NSMCE2: variants seen among roughly 807,000 people sequenced by gnomAD.
NSMCE2 encodes the protein NSE2 SUMO ligase component of SMC5/6 complex.
Under a neutral mutation model 23.8 loss-of-function variants are expected in NSMCE2, and 24 were observed. The ratio of observed to expected loss-of-function variants is 1.01; its 90% CI spans 0.73 to 1.42. NSMCE2 has a LOEUF of 1.42. NSMCE2 is among the 40% of genes most tolerant of loss of function. NSMCE2 has a pLI of 0.00. For missense variants in NSMCE2, 284 were observed against 296.5 expected (o/e 0.96, Z 0.31); for synonymous variants, 92 against 94.1 (o/e 0.98, Z 0.13).
chr8:125,159,348 C>A (rs562533736), intron 4 of NSMCE2, among the ~76,000 whole-genome samples: 1 of 152,222 alleles, frequency 6.6e-6, no homozygotes, highest in African/African-American at 2.4e-5. Flanking sequence ...GATGGTGGTG[C>A]CATAAGATTA....
At chr8:125,275,866 G>A (rs185056115) in intron 5 of NSMCE2, among the ~76,000 whole-genome samples, 56 of 152,146 alleles carry the variant, frequency 3.7e-4, no homozygotes, top group African/African-American at 1.3e-3. Flanking sequence ...AGAACGCTCC[G>A]CCTGCAAAAC....
intron 5 of NSMCE2, among the ~76,000 whole-genome samples, chr8:125,306,226 A>G (rs1251292020): frequency 6.6e-6 from 1 of 152,076 alleles, no homozygotes; most frequent in Non-Finnish European, 1.5e-5. Flanking sequence ...GCTTCTCGGG[A>G]GGCTGAGGCG....
At chr8:125,340,229 T>C (rs1005958284) in intron 5 of NSMCE2, among the ~76,000 whole-genome samples, 1 of 152,030 alleles carries the variant, frequency 6.6e-6, no homozygotes, top group Non-Finnish European at 1.5e-5. Context: ...CGTGTTAGCC[T>C]AATACAGCAT....
At chr8:125,332,210 G>A (rs189937827) in intron 5 of NSMCE2, among the ~76,000 whole-genome samples, 2 of 152,284 alleles carry the variant, frequency 1.3e-5, no homozygotes, top group Admixed American at 6.5e-5. Context: ...GCCAGTCACC[G>A]ATGCTAAGTC....
At chr8:125,177,772 T>A (rs1441220810) in intron 4 of NSMCE2, among the ~76,000 whole-genome samples, 1 of 152,232 alleles carries the variant, frequency 6.6e-6, no homozygotes, top group Non-Finnish European at 1.5e-5. Flanking sequence ...TTTCCTTTCT[T>A]CTGTAGCATT....
At chr8:125,287,415 G>A (rs1361072465) in intron 5 of NSMCE2, among the ~76,000 whole-genome samples, 3 of 152,160 alleles carry the variant, frequency 2.0e-5, no homozygotes, top group East Asian at 3.8e-4. Context: ...ATTGTTTCAT[G>A]CCTGCTGCTA....
chr8:125,265,078 A>G, intron 5 of NSMCE2, among the ~76,000 whole-genome samples: 1 of 152,110 alleles, frequency 6.6e-6, no homozygotes, highest in African/African-American at 2.4e-5. Flanking sequence ...AAGTTTATAT[A>G]CAGTTCAACA....
chr8:125,351,121 C>T (rs1028965967), intron 5 of NSMCE2, among the ~76,000 whole-genome samples: 10 of 152,078 alleles, frequency 6.6e-5, no homozygotes, highest in East Asian at 5.8e-4. Flanking sequence ...TTGAGCAACT[C>T]GGTGGATGCT....
chr8:125,288,820 G>C (rs1012087133), intron 5 of NSMCE2, among the ~76,000 whole-genome samples: 19 of 151,936 alleles, frequency 1.3e-4, no homozygotes, highest in African/African-American at 4.4e-4. Context: ...TTTTGAGACA[G>C]GGTTTGCAGT....
At chr8:125,141,002 G>C (rs990932544) in intron 3 of NSMCE2, among the ~76,000 whole-genome samples, 1 of 152,148 alleles carries the variant, frequency 6.6e-6, no homozygotes, top group Non-Finnish European at 1.5e-5. Flanking sequence ...GTAGCCAAAG[G>C]GGGTCTGCGG....
At chr8:125,197,141 G>C (rs527901848) in intron 5 of NSMCE2, among the ~76,000 whole-genome samples, 13 of 152,288 alleles carry the variant, frequency 8.5e-5, no homozygotes, top group African/African-American at 3.1e-4. Context: ...CTCCCATTCT[G>C]TAGGTTGCCT....
chr8:125,111,280 T>G (rs1818734426), intron 3 of NSMCE2, among the ~76,000 whole-genome samples: 1 of 152,212 alleles, frequency 6.6e-6, no homozygotes, highest in Non-Finnish European at 1.5e-5. Context: ...ACTGACCTTT[T>G]ACATTTGCAA....
chr8:125,275,484 AC>A (rs1485506494), intron 5 of NSMCE2, among the ~76,000 whole-genome samples: 1 of 152,166 alleles, frequency 6.6e-6, no homozygotes, highest in Admixed American at 6.5e-5. Context: ...TGGATAGCCA[AC>A]CAAACCACTG....
At chr8:125,364,003 G>A (rs1167377063) in intron 7 of NSMCE2, among the ~76,000 whole-genome samples, 1 of 152,062 alleles carries the variant, frequency 6.6e-6, no homozygotes, top group East Asian at 1.9e-4. Context: ...GAGTGCAATG[G>A]TGCAATCTTG....
intron 5 of NSMCE2, among the ~76,000 whole-genome samples, chr8:125,349,768 T>C (rs1280418584): frequency 6.6e-6 from 1 of 152,220 alleles, no homozygotes; most frequent in African/African-American, 2.4e-5. Context: ...ATGTATTTTA[T>C]GACCACAAGA....
chr8:125,243,019 G>T (rs536690832), intron 5 of NSMCE2, among the ~76,000 whole-genome samples: 3 of 152,128 alleles, frequency 2.0e-5, no homozygotes, highest in African/African-American at 7.2e-5. Flanking sequence ...GTTACATGTA[G>T]ACTCTATCTG....
At chr8:125,096,376 A>G (rs1173806069) in intron 1 of NSMCE2, among the ~76,000 whole-genome samples, 1 of 152,206 alleles carries the variant, frequency 6.6e-6, no homozygotes, top group Non-Finnish European at 1.5e-5. Context: ...GCCCTGAGAA[A>G]TAGTCTCAAG....
intron 3 of NSMCE2, among the ~76,000 whole-genome samples, chr8:125,135,877 G>A (rs1321572644): frequency 6.6e-6 from 1 of 152,116 alleles, no homozygotes. Context: ...GGTTGTTTTG[G>A]CTATTCTAGG....
At chr8:125,288,501 A>C (rs1827983601) in intron 5 of NSMCE2, among the ~76,000 whole-genome samples, 1 of 151,872 alleles carries the variant, frequency 6.6e-6, no homozygotes, top group Non-Finnish European at 1.5e-5. Context: ...TATCTCCTCA[A>C]ATTCCTTTTA....
Sources: gnomAD v4.1 joint callset for allele counts (sites outside exome capture counted in the v4.1 genomes callset) on GRCh38, gnomAD v4.1.1 for gene constraint, MANE v1.5 for transcripts, NCBI Gene and HGNC (gene_info 2026-07-23, HGNC 2026-07-21) for gene names.